Variants in TMPRSS11F observed in about 807,000 individuals in gnomAD.
The protein encoded by TMPRSS11F is transmembrane serine protease 11F.
A neutral mutation model predicts 60.2 loss-of-function variants in TMPRSS11F; 47 were observed. The ratio of observed to expected loss-of-function variants is 0.78; its 90% CI spans 0.62 to 1.00. The LOEUF (loss-of-function observed/expected upper bound fraction) is 1.00. TMPRSS11F is among the 50% of genes least tolerant of loss of function. The pLI is 0.00. For synonymous variants in TMPRSS11F, 166 were observed against 167.3 expected, an observed-to-expected ratio of 0.99 and a Z score of 0.06; for missense variants, 519 against 522.9, an observed-to-expected ratio of 0.99 and a Z score of 0.07.
At chr4:68,099,276 C>G (rs758495254) in intron 1 of TMPRSS11F, among the ~76,000 whole-genome samples, 2 of 152,174 alleles carry the variant, frequency 1.3e-5, no homozygotes, top group Non-Finnish European at 2.9e-5. Context: ...TATCTTCCCA[C>G]GGCATTTTAT....
chr4:68,087,691 G>A (rs1196067917), intron 3 of TMPRSS11F, among the ~76,000 whole-genome samples: 1 of 116,576 alleles, frequency 8.6e-6, no homozygotes, highest in African/African-American at 3.3e-5. Flanking sequence ...AAAACAATTA[G>A]TAGCATTTTA....
At chr4:68,102,630 T>C (rs939736746) in intron 1 of TMPRSS11F, among the ~76,000 whole-genome samples, 3 of 152,192 alleles carry the variant, frequency 2.0e-5, no homozygotes, top group Admixed American at 6.5e-5. Context: ...TAGAGAAATG[T>C]CTATTCAGGT....
intron 1 of TMPRSS11F, among the ~76,000 whole-genome samples, chr4:68,102,583 C>A (rs367600966): frequency 6.6e-6 from 1 of 152,030 alleles, no homozygotes; most frequent in Admixed American, 6.6e-5. Context: ...ATGTTGAGAA[C>A]CTTTTCATAT....
intron 1 of TMPRSS11F, among the ~76,000 whole-genome samples, chr4:68,104,966 T>C (rs1724272662): frequency 6.6e-6 from 1 of 151,454 alleles, no homozygotes; most frequent in Admixed American, 6.6e-5. Flanking sequence ...TAGGTTTTTT[T>C]TTTTTCCTTG....
At chr4:68,075,891 G>A (rs1008228126) in intron 3 of TMPRSS11F, among the ~76,000 whole-genome samples, 1 of 151,966 alleles carries the variant, frequency 6.6e-6, no homozygotes, top group African/African-American at 2.4e-5. Context: ...TACTCGGGAG[G>A]CTGAAGCAGA....
At chr4:68,075,634 A>T (rs1369836389) in intron 3 of TMPRSS11F, among the ~76,000 whole-genome samples, 1 of 152,180 alleles carries the variant, frequency 6.6e-6, no homozygotes, top group African/African-American at 2.4e-5. Flanking sequence ...ATAAAAGAAA[A>T]CTAGGTCACC....
chr4:68,094,894 T>G (rs1173274298), intron 2 of TMPRSS11F, among the ~76,000 whole-genome samples: 11 of 151,990 alleles, frequency 7.2e-5, no homozygotes, highest in Non-Finnish European at 1.3e-4. Context: ...TAACAATTGA[T>G]TCTTAAAAAT....
In TMPRSS11F at chr4:68,064,880, G is replaced by T; in HGVS notation, c.820C>A (p.Arg274=). ...GATITPPAVK[R]NVRKIILHEN... is the part of the protein sequence containing the mutation. Reference sequence around the variant, plus strand: ...TGAAGAATAATTTTCCTCACATTTCGTTTCACTGCGGGTGGTGTTATAGTT... The same window carrying T: ...TGAAGAATAATTTTCCTCACATTTCTTTTCACTGCGGGTGGTGTTATAGTT... Residue 274 remains arginine, a synonymous_variant, in exon 8 of 10, where the codon CGA becomes AGA. Coordinates refer to ENST00000356291, the MANE Select transcript of TMPRSS11F (RefSeq NM_207407.2). The T allele has an allele frequency of 6.2e-7, 1 of 1,613,996 alleles. No homozygotes were observed. The highest frequency in any genetic ancestry group is 8.5e-7 in the Non-Finnish European group (1 of 1,179,972).
chr4:68,066,459 G>A lies in TMPRSS11F; in HGVS notation c.756-1515C>T, dbSNP rs1723330403. On this transcript the variant is annotated intron_variant, in intron 7 of 9. Transcript: ENST00000356291. ...GAAGTTCGGTGATTTGTGCAGGTAA[G>A]TGACACTCTGCTGGTTAGTGCCAAA... is the stretch of plus-strand genomic sequence containing the variant. 2.6e-5 allele frequency among the ~76,000 whole-genome samples: 4 copies of A among 152,188 alleles called. No homozygotes were observed. In the South Asian group the frequency reaches 8.3e-4, roughly 31 times the overall value.
At chr4:68,073,918 A>C in intron 4 of TMPRSS11F, 24 bp downstream of exon 4, 1 of 1,490,956 alleles carries the variant, frequency 6.7e-7, no homozygotes, top group South Asian at 1.2e-5. Flanking sequence ...TATTAACTTG[A>C]AATTATAAAC....
intron 3 of TMPRSS11F, among the ~76,000 whole-genome samples, chr4:68,085,939 A>G (rs1723802951): frequency 6.6e-6 from 1 of 152,158 alleles, no homozygotes; most frequent in Non-Finnish European, 1.5e-5. Context: ...GGGAAACATC[A>G]ACAGTCCCAC....
chr4:68,063,175 C>G, intron 8 of TMPRSS11F: 1 of 602,854 alleles, frequency 1.7e-6, no homozygotes, highest in Non-Finnish European at 3.3e-6. Context: ...AACACCCAAA[C>G]AGCTGACAAA....
chr4:68,069,390 T>C (rs1315056143), intron 6 of TMPRSS11F, among the ~76,000 whole-genome samples: 1 of 152,192 alleles, frequency 6.6e-6, no homozygotes, highest in Non-Finnish European at 1.5e-5. Flanking sequence ...TTTTGGTCTT[T>C]TAAAACTTGA....
chr4:68,084,426 G>A (rs1046219860), intron 3 of TMPRSS11F, among the ~76,000 whole-genome samples: 1 of 152,090 alleles, frequency 6.6e-6, no homozygotes, highest in African/African-American at 2.4e-5. Context: ...TACAGAGACG[G>A]GTCAGGTCAC....
chr4:68,120,163 G>C (rs1480521114), intron 1 of TMPRSS11F, among the ~76,000 whole-genome samples: 2 of 152,044 alleles, frequency 1.3e-5, no homozygotes, highest in Non-Finnish European at 2.9e-5. Flanking sequence ...GCTTCTTATG[G>C]ATCAAAAAAG....
chr4:68,105,457 T>C (rs1724286930), intron 1 of TMPRSS11F, among the ~76,000 whole-genome samples: 2 of 152,164 alleles, frequency 1.3e-5, no homozygotes, highest in Admixed American at 1.3e-4. Context: ...CTGGCTTTGC[T>C]ACTATCAGCA....
At chr4:68,076,635 CA>C (rs1347828555) in intron 3 of TMPRSS11F, among the ~76,000 whole-genome samples, 3 of 152,172 alleles carry the variant, frequency 2.0e-5, no homozygotes, top group Non-Finnish European at 4.4e-5. Context: ...TTTTGAAAGA[CA>C]CGCTCAATCC....
intron 5 of TMPRSS11F, 146 bp downstream of exon 5, chr4:68,072,177 A>G (rs1434644530): frequency 6.8e-6 from 1 of 147,116 alleles, no homozygotes; most frequent in Non-Finnish European, 1.4e-5. Context: ...ATTTTATTTT[A>G]GTTTTATTCC....
rs149049471 is a variant in TMPRSS11F, at chr4:68,111,785, T to C, written c.12-12747A>G. The stretch of plus-strand genomic sequence containing the variant: ...TTTAATAGCCTCATTTAATGATTAG[T>C]TAAGGCTTAGAGAGACTAATTTAGG... On this transcript the variant is annotated intron_variant, in intron 1 of 9. Transcript: ENST00000356291. Among the ~76,000 whole-genome samples the C allele has an allele frequency of 1.5e-3, 232 of 152,284 alleles. 2 individuals are homozygous for C. The highest frequency in any genetic ancestry group is 5.4e-3 in the African/African-American group (226 of 41,560).
Sources: allele counts gnomAD v4.1 joint callset (sites outside exome capture counted in the v4.1 genomes callset), GRCh38; gene constraint gnomAD v4.1.1; transcripts MANE v1.5; gene names NCBI Gene and HGNC (gene_info 2026-07-23, HGNC 2026-07-21).